The following MAP3K7CL variants were observed in gnomAD, a reference collection of about 807,000 sequenced individuals.
The protein encoded by MAP3K7CL is MAP3K7 C-terminal-like protein.
A neutral mutation model predicts 18.6 loss-of-function variants in MAP3K7CL; 16 were observed. That is an observed-to-expected ratio of 0.86 (90% confidence interval 0.58 to 1.31). The LOEUF is 1.31. Ranked by LOEUF, MAP3K7CL falls within the 50% of genes most tolerant of loss-of-function variation. The probability of loss-of-function intolerance (pLI) is 0.00; values close to 1 mark genes in which losing one functional copy is unlikely to be tolerated. For missense variants in MAP3K7CL, 163 were observed against 174.4 expected, an observed-to-expected ratio of 0.93 and a Z score of 0.37; for synonymous variants, 65 against 66.8, an observed-to-expected ratio of 0.97 and a Z score of 0.13.
chr21:29,105,123 G>A (rs893542552), intron 4 of MAP3K7CL, among the ~76,000 whole-genome samples: 23 of 152,216 alleles, frequency 1.5e-4, no homozygotes, highest in African/African-American at 5.3e-4. Flanking sequence ...CTCTGAGTTA[G>A]TGGTGGGATC....
At chr21:29,140,421 C>T (rs940012361) in intron 2 of MAP3K7CL, among the ~76,000 whole-genome samples, 2 of 152,132 alleles carry the variant, frequency 1.3e-5, no homozygotes, top group African/African-American at 4.8e-5. Context: ...TGGCTGCAAC[C>T]CCACAGGAAG....
At chr21:29,087,158 T>G (rs1287642253) in intron 1 of MAP3K7CL, among the ~76,000 whole-genome samples, 2 of 152,182 alleles carry the variant, frequency 1.3e-5, no homozygotes, top group African/African-American at 4.8e-5. Flanking sequence ...TGGACCTCTC[T>G]TCTCCCAGAC....
At chr21:29,146,215 C>T (rs1201781263) in intron 2 of MAP3K7CL, among the ~76,000 whole-genome samples, 1 of 152,150 alleles carries the variant, frequency 6.6e-6, no homozygotes, top group African/African-American at 2.4e-5. Flanking sequence ...GTTTCTCCTT[C>T]CAACAAGTGC....
intron 4 of MAP3K7CL, among the ~76,000 whole-genome samples, chr21:29,172,320 G>A (rs1037647830): frequency 7.5e-6 from 1 of 133,968 alleles, no homozygotes; most frequent in African/African-American, 2.7e-5. Flanking sequence ...TAACAATTTT[G>A]TAGAATTTCC....
At chr21:29,082,371 T>A (rs2085850324), upstream of MAP3K7CL, among the ~76,000 whole-genome samples, 1 of 152,214 alleles carries the variant, frequency 6.6e-6, no homozygotes, top group Non-Finnish European at 1.5e-5. Context: ...ATTTTTTGTA[T>A]GCCTAGGACT....
intron 3 of MAP3K7CL, among the ~76,000 whole-genome samples, chr21:29,154,271 T>C (rs2087346397): frequency 6.6e-6 from 1 of 152,226 alleles, no homozygotes; most frequent in African/African-American, 2.4e-5. Flanking sequence ...TAAGAATAAG[T>C]AATTTATTTT....
chr21:29,158,287 CTCAT>C (rs1382786180), intron 3 of MAP3K7CL, among the ~76,000 whole-genome samples: 4 of 152,182 alleles, frequency 2.6e-5, no homozygotes, highest in Non-Finnish European at 5.9e-5. Context: ...ATAGCTTTAT[CTCAT>C]GGGGCGAGTT....
intron 4 of MAP3K7CL, 60 bp downstream of exon 4, chr21:29,160,116 GCAA>G: frequency 7.4e-7 from 1 of 1,355,774 alleles, no homozygotes; most frequent in Admixed American, 1.8e-5. Flanking sequence ...AGGACCAGGG[GCAA>G]TGGGCAGGGG....
Position 29,130,789 on chromosome 21 carries a change from C to T in MAP3K7CL, c.-174C>T. On this transcript the variant is annotated 5_prime_UTR_variant, in exon 1 of 5. Coordinates refer to ENST00000399928, the MANE Select transcript of MAP3K7CL (RefSeq NM_001286620.2). Reference sequence around the variant, plus strand: ...TGCTGCCCTGACAGCTGTCTCCGCTCCTCAGATTGTCAGTGGCTGCTATGC... The same window carrying T: ...TGCTGCCCTGACAGCTGTCTCCGCTTCTCAGATTGTCAGTGGCTGCTATGC... The T allele has an allele frequency of 2.0e-6, 2 of 985,548 alleles. No individual in the cohort carries two copies. The highest frequency in any genetic ancestry group is 2.4e-6 in the Non-Finnish European group (2 of 830,012). The allele number at this position is 985,548 out of a possible 1,614,324, so 61.1% of individuals were successfully genotyped here.
At chr21:29,117,915 C>T (rs1477661414) in intron 4 of MAP3K7CL, among the ~76,000 whole-genome samples, 6 of 151,784 alleles carry the variant, frequency 4.0e-5, no homozygotes, top group African/African-American at 7.3e-5. Flanking sequence ...CTTTTCTTGA[C>T]GACTGCTGTA....
upstream of MAP3K7CL, chr21:29,085,786 A>C: frequency 6.8e-7 from 1 of 1,470,580 alleles, no homozygotes; most frequent in Non-Finnish European, 9.5e-7. Flanking sequence ...GCTTTGATGC[A>C]GAATCATAAC....
intron 3 of MAP3K7CL, among the ~76,000 whole-genome samples, chr21:29,154,507 T>G (rs973086364): frequency 6.6e-6 from 1 of 151,880 alleles, no homozygotes; most frequent in African/African-American, 2.4e-5. Flanking sequence ...ACTAACAGAG[T>G]CTGATAAGTC....
chr21:29,089,980 AG>A (rs2085994411), intron 1 of MAP3K7CL, among the ~76,000 whole-genome samples: 1 of 152,128 alleles, frequency 6.6e-6, no homozygotes, highest in Non-Finnish European at 1.5e-5. Context: ...GAAGGAAAAA[AG>A]AAAGAATTGA....
chr21:29,121,129 G>A (rs1490699543), intron 4 of MAP3K7CL, among the ~76,000 whole-genome samples: 2 of 147,548 alleles, frequency 1.4e-5, no homozygotes, highest in Admixed American at 1.4e-4. Flanking sequence ...CGTATTGCAG[G>A]CTTCATCTGT....
At position 29,133,488 on chromosome 21, in the gene MAP3K7CL, T is replaced by C. The variant is rs141317072; in HGVS notation, c.70+74T>C. ...CTAGCATCTTTTCTAATGCCACGCC[T>C]CTGTGGAAAATTTAAAGTTGCATGC... On this transcript the variant is annotated intron_variant, in intron 2 of 4. Transcript: ENST00000399928. 6.9e-6 allele frequency: 8 copies of C among 1,160,286 alleles called. No individual in the cohort carries two copies. The East Asian group carries it at 1.9e-4, about 28-fold the overall frequency. 71.9% of individuals were successfully genotyped at this position (1,160,286 alleles called of 1,614,324 possible). A position where few individuals can be genotyped will look rare whatever the true frequency, so the allele number is the denominator to read the frequency against.
chr21:29,113,874 T>C (rs1205849646), intron 4 of MAP3K7CL, among the ~76,000 whole-genome samples: 1 of 152,094 alleles, frequency 6.6e-6, no homozygotes, highest in East Asian at 1.9e-4. Context: ...TGTTCAGTGT[T>C]GCTCATATGG....
upstream of MAP3K7CL, chr21:29,130,518 T>C: frequency 2.5e-6 from 2 of 796,532 alleles, no homozygotes; most frequent in Non-Finnish European, 3.0e-6. Flanking sequence ...GTGAAGCAAG[T>C]CTGTTTGTAT....
chr21:29,083,449 A>G (rs1016633499), upstream of MAP3K7CL, among the ~76,000 whole-genome samples: 2 of 152,216 alleles, frequency 1.3e-5, no homozygotes, highest in Non-Finnish European at 2.9e-5. Context: ...ATGGCCAACT[A>G]TCATAGACTG....
At chr21:29,152,701 A>C (rs762603550) in intron 3 of MAP3K7CL, among the ~76,000 whole-genome samples, 18 of 152,196 alleles carry the variant, frequency 1.2e-4, no homozygotes, top group Admixed American at 5.9e-4. Context: ...GTTTCCCTAC[A>C]TATGATCTCA....
Sources: allele counts gnomAD v4.1 joint callset (sites outside exome capture counted in the v4.1 genomes callset), GRCh38; gene constraint gnomAD v4.1.1; transcripts MANE v1.5; gene names NCBI Gene and HGNC (gene_info 2026-07-23, HGNC 2026-07-21).